The following IST1 variants were observed in gnomAD, a reference collection of about 807,000 sequenced individuals.
The protein encoded by IST1 is IST1 factor associated with ESCRT-III.
Under a neutral mutation model 37.0 loss-of-function variants are expected in IST1, and 23 were observed. That is an observed-to-expected ratio of 0.62 (90% CI 0.45 to 0.88). The LOEUF is 0.88. Among genes scored for constraint, IST1 ranks in the 40% least tolerant of loss-of-function variants. The pLI, the probability that IST1 is intolerant of heterozygous loss-of-function variation, is 0.00. For synonymous variants in IST1, 180 were observed against 161.7 expected, an observed-to-expected ratio of 1.11 and a Z score of -0.86; for missense variants, 488 against 445.4, an observed-to-expected ratio of 1.10 and a Z score of -0.86.
At chr16:71,923,513 G>A (rs1405752292) in intron 8 of IST1, 133 bp downstream of exon 8, 1 of 549,734 alleles carries the variant, frequency 1.8e-6, no homozygotes, top group Non-Finnish European at 3.3e-6. Context: ...TGGGATTCTT[G>A]TGTTGCTTTA....
intron 1 of IST1, among the ~76,000 whole-genome samples, chr16:71,907,467 C>CG (rs2037251296): frequency 6.6e-6 from 1 of 151,874 alleles, no homozygotes; most frequent in Non-Finnish European, 1.5e-5. Flanking sequence ...TTAGTAGAGA[C>CG]GGGGTTTCAC....
At chr16:71,922,765 G>T in intron 7 of IST1, 85 bp downstream of exon 7, 1 of 1,113,552 alleles carries the variant, frequency 9.0e-7, no homozygotes. Flanking sequence ...GGAATCATAG[G>T]TTGTCAGGAG....
At chr16:71,903,977 G>A (rs1040828798) in intron 1 of IST1, among the ~76,000 whole-genome samples, 2 of 152,150 alleles carry the variant, frequency 1.3e-5, no homozygotes, top group African/African-American at 2.4e-5. Flanking sequence ...GTTGTTGGGT[G>A]CATTCACAGT....
At chr16:71,910,396 G>A (rs2037323350) in intron 1 of IST1, among the ~76,000 whole-genome samples, 2 of 152,062 alleles carry the variant, frequency 1.3e-5, no homozygotes, top group Non-Finnish European at 2.9e-5. Flanking sequence ...TACAAAGTCA[G>A]GAGATCGAGA....
intron 1 of IST1, among the ~76,000 whole-genome samples, chr16:71,914,546 G>A (rs2037429063): frequency 6.6e-6 from 1 of 152,152 alleles, no homozygotes; most frequent in Non-Finnish European, 1.5e-5. Flanking sequence ...TGCATGGATT[G>A]AACATAATTT....
intron 1 of IST1, among the ~76,000 whole-genome samples, chr16:71,905,692 A>G (rs1489310089): frequency 1.3e-5 from 2 of 152,186 alleles, no homozygotes; most frequent in African/African-American, 2.4e-5. Context: ...ACTTGTTTTC[A>G]TAGGCTACTT....
At chr16:71,926,462 A>G (rs559519563) in intron 9 of IST1, among the ~76,000 whole-genome samples, 33 of 151,706 alleles carry the variant, frequency 2.2e-4, no homozygotes, top group South Asian at 6.3e-4. Flanking sequence ...TCCTGCCTCA[A>G]CCTCCCAAGT....
intron 8 of IST1, chr16:71,924,154 C>G (rs1415566784): frequency 2.2e-6 from 1 of 455,866 alleles, no homozygotes; most frequent in Non-Finnish European, 4.4e-6. Context: ...GTCACATAAC[C>G]CACAGCCGTT....
chr16:71,920,656 C>G (rs141807016), intron 4 of IST1, 83 bp from the exon 5 acceptor site: 16 of 904,454 alleles, frequency 1.8e-5, no homozygotes, highest in Non-Finnish European at 2.9e-5. Context: ...GTAATAGACG[C>G]GTGTTTACTG....
At chr16:71,907,839 G>A (rs935599072) in intron 1 of IST1, among the ~76,000 whole-genome samples, 2 of 151,916 alleles carry the variant, frequency 1.3e-5, no homozygotes, top group African/African-American at 2.4e-5. Flanking sequence ...TTTGAGACAG[G>A]ATCTTACCAT....
At chr16:71,920,111 G>A (rs2037546991) in intron 4 of IST1, among the ~76,000 whole-genome samples, 1 of 152,166 alleles carries the variant, frequency 6.6e-6, no homozygotes, top group South Asian at 2.1e-4. Context: ...GGTTTTAAAA[G>A]TTTTTAAAAT....
At chr16:71,899,297 C>G (rs1405590334) in intron 1 of IST1, among the ~76,000 whole-genome samples, 1 of 151,792 alleles carries the variant, frequency 6.6e-6, no homozygotes, top group Non-Finnish European at 1.5e-5. Context: ...GGAATTGGAC[C>G]ACCAGGTGTG....
In IST1 at chr16:71,927,845, G is replaced by A. The variant is rs772170984; in HGVS notation, c.*32G>A. 6.6e-7 allele frequency: 1 copy of A among 1,520,864 alleles called. No homozygotes were observed. Among genetic ancestry groups the A allele is most frequent in the Non-Finnish European group, 9.1e-7 (1 of 1,099,056 alleles). 94.2% of individuals were successfully genotyped at this position (1,520,864 alleles called of 1,614,324 possible). A position where few individuals can be genotyped will look rare whatever the true frequency, so the allele number is the denominator to read the frequency against. ...TAAACCAGGCAACTTTCACGTTTTG[G>A]GAGTTGAGACTGAGCAATTTCTCCT... On this transcript the variant is annotated 3_prime_UTR_variant, in exon 10 of 10. Transcript: ENST00000378799.
At chr16:71,898,618 A>AAG in intron 1 of IST1, among the ~76,000 whole-genome samples, 1 of 150,572 alleles carries the variant, frequency 6.6e-6, no homozygotes, top group Non-Finnish European at 1.5e-5. Context: ...TGGAGGTTGC[A>AAG]GTGAGCCAAG....
Position 71,930,246 on chromosome 16 carries a change from G to GATCCCAAACA in IST1, c.*2433_*2434insATCCCAAACA. ...TTTAGTTTATACTTTACAAACATAA[G>GATCCCAAACA]CTATATGCTAGTGTTTGGGATCTTA... On this transcript the variant is annotated 3_prime_UTR_variant, in exon 10 of 10. Transcript: ENST00000378799. The GATCCCAAACA allele has an allele frequency of 7.6e-6, 11 of 1,441,728 alleles. No individual in the cohort carries two copies. The highest frequency in any genetic ancestry group is 9.2e-6 in the Non-Finnish European group (10 of 1,085,606). 89.3% of individuals were successfully genotyped at this position (1,441,728 alleles called of 1,614,324 possible).
At chr16:71,912,061 C>T (rs769181996) in intron 1 of IST1, among the ~76,000 whole-genome samples, 5 of 151,972 alleles carry the variant, frequency 3.3e-5, no homozygotes, top group Admixed American at 1.3e-4. Context: ...ACGTTTCCAG[C>T]AGGAGTTTGA....
intron 1 of IST1, among the ~76,000 whole-genome samples, chr16:71,899,980 G>C (rs571796858): frequency 3.8e-4 from 47 of 123,226 alleles, no homozygotes; most frequent in African/African-American, 1.2e-3. Flanking sequence ...CTCGGCGACA[G>C]AACAAGACTC....
At chr16:71,924,700 G>A (rs574617676) in intron 8 of IST1, 69 bp from the exon 9 acceptor site, 3 of 1,206,736 alleles carry the variant, frequency 2.5e-6, no homozygotes, top group Admixed American at 3.4e-5. Flanking sequence ...GGAAACACAG[G>A]GGCTTACACC....
upstream of IST1, chr16:71,894,698 C>CTTT (rs35889170): frequency 0.023 from 10,167 of 442,822 alleles, 592 homozygotes; most frequent in African/African-American, 0.12. Context: ...TAATTTTTAA[C>CTTT]TTTTTTTTTT....
Sources: allele counts gnomAD v4.1 joint callset (sites outside exome capture counted in the v4.1 genomes callset), GRCh38; gene constraint gnomAD v4.1.1; transcripts MANE v1.5; gene names NCBI Gene and HGNC (gene_info 2026-07-23, HGNC 2026-07-21).